The following GABRB3 variants were observed in gnomAD, a reference collection of about 807,000 sequenced individuals.
The protein encoded by GABRB3 is gamma-aminobutyric acid receptor subunit beta-3.
GABRB3 carries 14 observed loss-of-function variants against 52.1 expected under a neutral mutation model. The observed-to-expected ratio is 0.27, with a 90% CI of 0.18 to 0.42. The LOEUF is 0.42. Ranked by LOEUF, GABRB3 falls within the 10% of genes least tolerant of loss-of-function variation. The probability of loss-of-function intolerance (pLI) is 1.00; values close to 1 mark genes in which losing one functional copy is unlikely to be tolerated. For synonymous variants in GABRB3, 260 were observed against 232.3 expected, an observed-to-expected ratio of 1.12 and a Z score of -1.08; for missense variants, 307 against 609.1, an observed-to-expected ratio of 0.50 and a Z score of 5.22.
chr15:26,570,367 T>C (rs983336833), intron 6 of GABRB3, among the ~76,000 whole-genome samples: 4 of 152,206 alleles, frequency 2.6e-5, no homozygotes, highest in African/African-American at 9.6e-5. Context: ...ATGTGGATCA[T>C]GGGCCTGCGC....
intron 3 of GABRB3, among the ~76,000 whole-genome samples, chr15:26,755,337 C>T (rs771282438): frequency 2.0e-5 from 3 of 152,032 alleles, no homozygotes; most frequent in Non-Finnish European, 4.4e-5. Context: ...ACTTCTTAGG[C>T]CTGACTTCTG....
At chr15:26,686,912 C>G (rs1489403651) in intron 3 of GABRB3, among the ~76,000 whole-genome samples, 2 of 152,248 alleles carry the variant, frequency 1.3e-5, no homozygotes, top group Admixed American at 6.5e-5. Flanking sequence ...TCAATAGTAG[C>G]CGCATCTGGG....
intron 3 of GABRB3, among the ~76,000 whole-genome samples, chr15:26,697,033 A>T (rs978981224): frequency 1.3e-4 from 20 of 152,234 alleles, no homozygotes; most frequent in African/African-American, 4.8e-4. Flanking sequence ...AAACACATTT[A>T]TATCCAAACC....
At chr15:26,603,618 C>T (rs1046873749) in intron 4 of GABRB3, among the ~76,000 whole-genome samples, 1 of 152,046 alleles carries the variant, frequency 6.6e-6, no homozygotes, top group Non-Finnish European at 1.5e-5. Context: ...GATGGTTCAA[C>T]ATATGCAAAT....
At chr15:26,736,127 G>A (rs1380916972) in intron 3 of GABRB3, among the ~76,000 whole-genome samples, 1 of 152,138 alleles carries the variant, frequency 6.6e-6, no homozygotes, top group African/African-American at 2.4e-5. Context: ...AGTTTTACAA[G>A]CTGAAAAGCA....
intron 3 of GABRB3, among the ~76,000 whole-genome samples, chr15:26,731,387 A>C (rs1889908289): frequency 1.3e-5 from 2 of 152,196 alleles, no homozygotes. Flanking sequence ...ATCCTTGTTG[A>C]ATTCTTGAGT....
chr15:26,624,207 C>T, intron 3 of GABRB3: 3 of 985,580 alleles, frequency 3.0e-6, no homozygotes, highest in Middle Eastern at 5.2e-4. Context: ...ATCACCATTA[C>T]CTTTCGCTGG....
intron 4 of GABRB3, among the ~76,000 whole-genome samples, chr15:26,598,895 T>G (rs1293657527): frequency 6.6e-6 from 1 of 152,208 alleles, no homozygotes; most frequent in Admixed American, 6.5e-5. Context: ...AAAGCTGATT[T>G]GGTTGCCTTC....
chr15:26,563,739 A>G (rs551062458), intron 7 of GABRB3, among the ~76,000 whole-genome samples: 9 of 152,224 alleles, frequency 5.9e-5, no homozygotes, highest in African/African-American at 2.2e-4. Flanking sequence ...TCTGCTCTCT[A>G]AAGGGAAATC....
intron 4 of GABRB3, among the ~76,000 whole-genome samples, chr15:26,589,271 T>C (rs1891106254): frequency 6.6e-6 from 1 of 152,258 alleles, no homozygotes; most frequent in South Asian, 2.1e-4. Flanking sequence ...TGTGTAAATG[T>C]TGCTGTCTGA....
At chr15:26,564,390 G>A (rs1164003608) in intron 7 of GABRB3, among the ~76,000 whole-genome samples, 1 of 152,158 alleles carries the variant, frequency 6.6e-6, no homozygotes, top group Non-Finnish European at 1.5e-5. Flanking sequence ...GGCAGCAGAA[G>A]CATATCATGC....
chr15:26,664,461 C>T (rs574155674), intron 3 of GABRB3, among the ~76,000 whole-genome samples: 6 of 152,186 alleles, frequency 3.9e-5, no homozygotes, highest in Non-Finnish European at 7.4e-5. Flanking sequence ...AATTACAAGC[C>T]TCATCTTCAC....
chr15:26,637,395 CTTAT>C, intron 3 of GABRB3, among the ~76,000 whole-genome samples: 1 of 152,126 alleles, frequency 6.6e-6, no homozygotes, highest in East Asian at 1.9e-4. Context: ...ATTTATTGCA[CTTAT>C]TTATTATGTT....
intron 3 of GABRB3, among the ~76,000 whole-genome samples, chr15:26,694,534 T>C (rs113577296): frequency 0.024 from 3,641 of 152,206 alleles, 143 homozygotes; most frequent in African/African-American, 0.083. Context: ...ACCTCTAACA[T>C]CTACAGCTAC....
intron 4 of GABRB3, chr15:26,613,661 C>G (rs1205188249): frequency 6.6e-6 from 1 of 151,988 alleles, no homozygotes; most frequent in Admixed American, 6.6e-5. Context: ...AAGACAGAAA[C>G]CATTCTTTTC....
intron 3 of GABRB3, among the ~76,000 whole-genome samples, chr15:26,754,893 G>C (rs754201032): frequency 3.3e-5 from 5 of 152,134 alleles, no homozygotes; most frequent in Admixed American, 3.3e-4. Flanking sequence ...CCGAGGGGTC[G>C]AGGCTCGGCT....
intron 3 of GABRB3, among the ~76,000 whole-genome samples, chr15:26,702,444 T>C (rs1888967387): frequency 2.0e-5 from 3 of 152,214 alleles, no homozygotes; most frequent in African/African-American, 7.2e-5. Context: ...TAAGAAAATA[T>C]TCAGCAACTA....
At chr15:26,612,155 T>C (rs1409021574) in intron 4 of GABRB3, 1 of 152,184 alleles carries the variant, frequency 6.6e-6, no homozygotes, top group Non-Finnish European at 1.5e-5. Flanking sequence ...AGCTCATCCT[T>C]CATGGTGGGC....
intron 3 of GABRB3, among the ~76,000 whole-genome samples, chr15:26,771,513 C>G (rs1208672416): frequency 3.3e-5 from 5 of 152,206 alleles, no homozygotes; most frequent in Non-Finnish European, 5.9e-5. Context: ...TACAAATGCT[C>G]CTTCCAGAGT....
Sources: allele counts gnomAD v4.1 joint callset (sites outside exome capture counted in the v4.1 genomes callset), GRCh38; gene constraint gnomAD v4.1.1; transcripts MANE v1.5; gene names NCBI Gene and HGNC (gene_info 2026-07-23, HGNC 2026-07-21).